The following OSM variants were observed in gnomAD, a reference collection of about 807,000 sequenced individuals.
OSM encodes oncostatin-M.
OSM carries 1 observed loss-of-function variant against 6.3 expected under a neutral mutation model. The observed-to-expected ratio is 0.16, with a 90% CI of 0.06 to 0.76. The LOEUF (loss-of-function observed/expected upper bound fraction) is 0.76, where lower values mean the gene tolerates loss of function less well. Ranked by LOEUF, OSM falls within the 30% of genes least tolerant of loss-of-function variation. The pLI is 0.77. For missense variants in OSM, 324 were observed against 336.9 expected, an observed-to-expected ratio of 0.96 and a Z score of 0.30; for synonymous variants, 135 against 143.4, an observed-to-expected ratio of 0.94 and a Z score of 0.42.
chr22:30,266,250 T>C lies in OSM; in HGVS notation c.34+516A>G, dbSNP rs545687115. Among the ~76,000 whole-genome samples, 1 of 152,188 alleles carries C rather than the reference T, an allele frequency of 6.6e-6. No homozygotes were observed. The highest frequency in any genetic ancestry group is 2.4e-5 in the African/African-American group (1 of 41,542). ...GGGGACTCTGGTCTGCATGTGGGGGTTCCTGGGCTGGTGAGATCCAGGGCT... is the reference window on the plus strand; with the variant it reads ...GGGGACTCTGGTCTGCATGTGGGGGCTCCTGGGCTGGTGAGATCCAGGGCT... On this transcript the variant is annotated intron_variant, in intron 1 of 2. Coordinates refer to ENST00000215781, the MANE Select transcript of OSM (RefSeq NM_020530.6). The surrounding 1 kb of genome is among the most constrained non-coding windows in gnomAD (Gnocchi z 5.0).
intron 1 of OSM, 196 bp from the exon 2 acceptor site, chr22:30,265,340 T>C: frequency 1.3e-5 from 13 of 985,468 alleles, no homozygotes; most frequent in Non-Finnish European, 1.6e-5. Flanking sequence ...ATCTCCCCAG[T>C]AAGTCACTGC....
In OSM at chr22:30,265,486, G is replaced by A. The variant is rs2123852039; in HGVS notation, c.35-342C>T. On this transcript the variant is annotated intron_variant, in intron 1 of 2. Coordinates refer to ENST00000215781, the MANE Select transcript of OSM (RefSeq NM_020530.6). Reference sequence around the variant, plus strand: ...CAGCACGGTTCTAACCTCGGGAGCTGACTCTCTGCAAGGTGGGACTGGCTC... The same window carrying A: ...CAGCACGGTTCTAACCTCGGGAGCTAACTCTCTGCAAGGTGGGACTGGCTC... The A allele has an allele frequency of 4.4e-6, 4 of 914,872 alleles. No individual in the cohort carries two copies. The South Asian group carries it at 1.1e-4, about 26-fold the overall frequency. 56.7% of individuals were successfully genotyped at this position (914,872 alleles called of 1,614,324 possible).
At chr22:30,264,516 T>A in intron 2 of OSM, 52 bp from the exon 3 acceptor site, 1 of 1,460,180 alleles carries the variant, frequency 6.8e-7, no homozygotes, top group Non-Finnish European at 9.4e-7. Flanking sequence ...CGGACCACAC[T>A]CACAGACAAG....
intron 1 of OSM, chr22:30,265,466 C>T (rs1027657487): frequency 5.7e-6 from 6 of 1,054,408 alleles, no homozygotes; most frequent in East Asian, 5.5e-5. Flanking sequence ...GCCTACAGCA[C>T]GGTTCTAACC....
In OSM at chr22:30,263,639, G is replaced by C; in HGVS notation, c.*244C>G. ...ATGGAAAGTCGGTCCCGCGTGGCCC[G>C]CCCGGCCACCCCACTGGGCCTGGGG... On this transcript the variant is annotated 3_prime_UTR_variant, in exon 3 of 3. Transcript: ENST00000215781. 1 of 408,972 alleles carries C rather than the reference G, an allele frequency of 2.4e-6. No homozygotes were observed. The allele number at this position is 408,972 out of a possible 1,614,324, so 25.3% of individuals were successfully genotyped here. A position where few individuals can be genotyped will look rare whatever the true frequency, so the allele number is the denominator to read the frequency against.
In OSM at chr22:30,266,636, T is replaced by C; in HGVS notation, c.34+130A>G. 1.0e-6 allele frequency: 1 copy of C among 982,626 alleles called. No homozygotes were observed. Among genetic ancestry groups the C allele is most frequent in the Non-Finnish European group, 1.6e-6 (1 of 642,452 alleles). 60.9% of individuals were successfully genotyped at this position (982,626 alleles called of 1,614,324 possible). A position where few individuals can be genotyped will look rare whatever the true frequency, so the allele number is the denominator to read the frequency against. ...TGCCTGACCTCCTGGCTCTCTCCCC[T>C]TCTCAGCATCCTTCTGCCTGGCGCC... is the stretch of plus-strand genomic sequence containing the variant. On this transcript the variant is annotated intron_variant, in intron 1 of 2. Coordinates refer to ENST00000215781, the MANE Select transcript of OSM (RefSeq NM_020530.6). This position sits in a 1 kb window ranked among gnomAD's most constrained non-coding sequence, Gnocchi z 5.0.
Position 30,266,396 on chromosome 22 carries a change from G to T in OSM, c.34+370C>A, listed in dbSNP as rs1483567987. Among the ~76,000 whole-genome samples, 1 of 152,088 alleles carries T rather than the reference G, an allele frequency of 6.6e-6. No homozygotes were observed. The highest frequency in any genetic ancestry group is 6.6e-5 in the Admixed American group (1 of 15,266). On this transcript the variant is annotated intron_variant, in intron 1 of 2. Coordinates refer to ENST00000215781, the MANE Select transcript of OSM (RefSeq NM_020530.6). The surrounding 1 kb of genome is among the most constrained non-coding windows in gnomAD (Gnocchi z 5.0). ...CTGACTTTCTATTCATCCCGGGCAA[G>T]CTGGAGGCCCCACAACCCCTCCACA... is the stretch of plus-strand genomic sequence containing the variant.
chr22:30,264,898 C>G (rs950739689), intron 2 of OSM, 104 bp downstream of exon 2: 16 of 1,365,414 alleles, frequency 1.2e-5, no homozygotes, highest in African/African-American at 1.4e-5. Flanking sequence ...GTTCCCCGAC[C>G]TGGCCATATG....
chr22:30,265,452 T>C (rs1481931165), intron 1 of OSM: 6 of 1,150,618 alleles, frequency 5.2e-6, no homozygotes, highest in South Asian at 2.4e-5. Context: ...CGGATCCCAG[T>C]CCTGCCTACA....
At chr22:30,265,330 A>C in intron 1 of OSM, 186 bp from the exon 2 acceptor site, 1 of 985,446 alleles carries the variant, frequency 1.0e-6, no homozygotes, top group Non-Finnish European at 1.2e-6. Flanking sequence ...GGCCACCATC[A>C]TCTCCCCAGT....
chr22:30,264,023 G>T lies in OSM; in HGVS notation c.619C>A (p.Arg207=). ...GYHRFMHSVG[R]VFSKWGESPN... Reference sequence around the variant, plus strand: ...CTCTCCCCCCACTTGCTGAAGACCCGCCCCACTGAGTGCATGAAGCGATGG... The same window carrying T: ...CTCTCCCCCCACTTGCTGAAGACCCTCCCCACTGAGTGCATGAAGCGATGG... The change falls in exon 3 of 3, where the codon CGG becomes AGG. Residue 207 remains arginine (R), a synonymous_variant. Coordinates refer to ENST00000215781, the MANE Select transcript of OSM (RefSeq NM_020530.6). 1 of 1,567,314 alleles carries T rather than the reference G, an allele frequency of 6.4e-7. No homozygotes were observed.
intron 1 of OSM, chr22:30,265,735 G>A (rs560594723): frequency 6.5e-6 from 1 of 153,786 alleles, no homozygotes; most frequent in East Asian, 1.9e-4. Flanking sequence ...CCACTTTCCT[G>A]ACAGGTAAAC....
At chr22:30,264,599 G>A (rs1929342756) in intron 2 of OSM, 135 bp from the exon 3 acceptor site, 14 of 764,416 alleles carry the variant, frequency 1.8e-5, no homozygotes, top group South Asian at 3.7e-5. Context: ...ACTGAGGCCC[G>A]AGAGGGAAGA....
intron 1 of OSM, 149 bp from the exon 2 acceptor site, chr22:30,265,293 C>T (rs912993397): frequency 1.8e-5 from 27 of 1,468,260 alleles, no homozygotes; most frequent in Admixed American, 5.0e-5. Flanking sequence ...CTGTGTGGCA[C>T]GGTGTGTGCC....
intron 2 of OSM, 52 bp downstream of exon 2, chr22:30,264,950 C>A: frequency 6.3e-7 from 1 of 1,598,620 alleles, no homozygotes; most frequent in Non-Finnish European, 8.6e-7. Context: ...CACTCCCTTC[C>A]TAACCCCATA....
Position 30,266,592 on chromosome 22 carries a change from C to T in OSM, c.34+174G>A, listed in dbSNP as rs1311458213. Reference sequence around the variant, plus strand: ...TCTCTACCTGTGGAGATGCCAGGTTCTCAGTGGACCACTCTCTCTGCCTGA... The same window carrying T: ...TCTCTACCTGTGGAGATGCCAGGTTTTCAGTGGACCACTCTCTCTGCCTGA... On this transcript the variant is annotated intron_variant, in intron 1 of 2. Transcript: ENST00000215781. This position sits in a 1 kb window ranked among gnomAD's most constrained non-coding sequence, Gnocchi z 5.0. Among the ~76,000 whole-genome samples, 1 of 152,168 alleles carries T rather than the reference C, an allele frequency of 6.6e-6. No homozygotes were observed. Among genetic ancestry groups the T allele is most frequent in the African/African-American group, 2.4e-5 (1 of 41,436 alleles).
rs201319597 is a variant in OSM at position 30,266,847 on chromosome 22, C to T, written c.-48G>A. On this transcript the variant is annotated 5_prime_UTR_variant, in exon 1 of 3. Coordinates refer to ENST00000215781, the MANE Select transcript of OSM (RefSeq NM_020530.6). This position sits in a 1 kb window ranked among gnomAD's most constrained non-coding sequence, Gnocchi z 5.0. ...CGCGCCCGCTGGGGGTGACACCTCT[C>T]GGCTGGGAGCCCTGCAGGCTGGCAG... 20 of 1,402,186 alleles carry T rather than the reference C, an allele frequency of 1.4e-5. No homozygotes were observed. The highest frequency in any genetic ancestry group is 1.1e-4 in the East Asian group (3 of 26,238). The allele number at this position is 1,402,186 out of a possible 1,614,324, so 86.9% of individuals were successfully genotyped here.
Position 30,266,126 on chromosome 22 carries a change from G to T in OSM, c.34+640C>A, listed in dbSNP as rs1008066703. Among the ~76,000 whole-genome samples the T allele has an allele frequency of 3.9e-5, 6 of 152,260 alleles. No homozygotes were observed. The highest frequency in any genetic ancestry group is 8.8e-5 in the Non-Finnish European group (6 of 68,034). On this transcript the variant is annotated intron_variant, in intron 1 of 2. Coordinates refer to ENST00000215781, the MANE Select transcript of OSM (RefSeq NM_020530.6). This position sits in a 1 kb window ranked among gnomAD's most constrained non-coding sequence, Gnocchi z 5.0. ...GGTATCTGCTGCCGGGCTCTGGCAG[G>T]GGCCTGTGCCTGTGGCAGCGCACGT...
intron 1 of OSM, chr22:30,265,922 G>A (rs549708060): frequency 6.6e-6 from 1 of 152,546 alleles, no homozygotes; most frequent in Non-Finnish European, 1.5e-5. Context: ...CACCCCCAAC[G>A]GGGCACCGGC....
Sources: gnomAD v4.1 joint callset for allele counts (sites outside exome capture counted in the v4.1 genomes callset) on GRCh38, gnomAD v4.1.1 for gene constraint, Gnocchi (gnomAD v3.1) non-coding constraint, MANE v1.5 for transcripts, NCBI Gene and HGNC (gene_info 2026-07-23, HGNC 2026-07-21) for gene names.